Variants in AKT2 observed in about 807,000 individuals in gnomAD.
The protein encoded by AKT2 is RAC-beta serine/threonine-protein kinase.
In AKT2, 16 loss-of-function variants were observed where a neutral mutation model predicts 58.6. That is an observed-to-expected ratio of 0.27 (90% confidence interval 0.18 to 0.41). The LOEUF is 0.41. Ranked by LOEUF, AKT2 falls within the 10% of genes least tolerant of loss-of-function variation. The probability of loss-of-function intolerance (pLI) is 1.00; values close to 1 mark genes in which losing one functional copy is unlikely to be tolerated. For missense variants in AKT2, 438 were observed against 661.0 expected (o/e 0.66, Z 3.70); for synonymous variants, 253 against 254.0 (o/e 1.00, Z 0.04).
chr19:40,262,527 A>G (rs1976038819), intron 2 of AKT2, among the ~76,000 whole-genome samples: 1 of 152,224 alleles, frequency 6.6e-6, no homozygotes, highest in African/African-American at 2.4e-5. Flanking sequence ...GGACCAGCAC[A>G]TGGCATGAGT....
chr19:40,254,419 T>G (rs559711815), intron 4 of AKT2, among the ~76,000 whole-genome samples: 1 of 151,918 alleles, frequency 6.6e-6, no homozygotes, highest in Non-Finnish European at 1.5e-5. Flanking sequence ...TCCCAGCTAC[T>G]TGGGAGGCTG....
chr19:40,265,771 A>C (rs984669604), intron 1 of AKT2, among the ~76,000 whole-genome samples: 1 of 151,946 alleles, frequency 6.6e-6, no homozygotes, highest in Non-Finnish European at 1.5e-5. Flanking sequence ...CAGAGCCACC[A>C]GCATCTGCCT....
rs992368196 is a variant in AKT2, at chr19:40,237,876, G to C, written c.831+93C>G. 1.3e-6 allele frequency: 2 copies of C among 1,551,220 alleles called. No individual in the cohort carries two copies. Among genetic ancestry groups the C allele is most frequent in the Admixed American group, 3.5e-5 (2 of 57,666 alleles). ...CCTGGACCTTGGTGGGGAGCCTGGC[G>C]AATGAGGGCAGAAGCTCAGCCCAAC... On this transcript the variant is annotated intron_variant, in intron 9 of 13. Coordinates refer to ENST00000392038, the MANE Select transcript of AKT2 (RefSeq NM_001626.6). This position sits in a 1 kb window ranked among gnomAD's most constrained non-coding sequence, Gnocchi z 4.5.
rs1976253992 is a variant in AKT2, at chr19:40,265,150, C to T, written c.46+72G>A. The T allele has an allele frequency of 2.5e-6, 4 of 1,574,936 alleles. No individual in the cohort carries two copies. In the South Asian group the frequency reaches 4.6e-5, roughly 18 times the overall value. The stretch of plus-strand genomic sequence containing the variant: ...GGCTGGTAAGACCCTCCGCCTCTGC[C>T]TCTCAGGGCACAGCTTTCCAGGAGG... On this transcript the variant is annotated intron_variant, in intron 2 of 13. Transcript: ENST00000392038.
At chr19:40,279,702 G>T (rs545910550) in intron 1 of AKT2, 1 of 151,892 alleles carries the variant, frequency 6.6e-6, no homozygotes, top group South Asian at 2.1e-4. Context: ...AAGCCTTAGG[G>T]GTGAGCCCAT....
chr19:40,233,586 T>G lies in AKT2; in HGVS notation c.*286A>C. 2.8e-6 allele frequency: 2 copies of G among 703,642 alleles called. No individual in the cohort carries two copies. Among genetic ancestry groups the G allele is most frequent in the Non-Finnish European group, 5.3e-6 (2 of 377,518 alleles). 43.6% of individuals were successfully genotyped at this position (703,642 alleles called of 1,614,324 possible). The stretch of plus-strand genomic sequence containing the variant: ...GCCATGCTTCACCCCTCACTGGGGC[T>G]TGTGTGGATTAAAACCTGAATCTCC... On this transcript the variant is annotated 3_prime_UTR_variant, in exon 14 of 14. Coordinates refer to ENST00000392038, the MANE Select transcript of AKT2 (RefSeq NM_001626.6). This position sits in a 1 kb window ranked among gnomAD's most constrained non-coding sequence, Gnocchi z 4.3.
intron 2 of AKT2, among the ~76,000 whole-genome samples, chr19:40,264,406 G>A (rs548510821): frequency 3.9e-5 from 6 of 152,238 alleles, no homozygotes; most frequent in African/African-American, 1.4e-4. Flanking sequence ...AATGGATCAG[G>A]CCACGCATCG....
Position 40,235,855 on chromosome 19 carries a change from G to A in AKT2, c.1175+35C>T. The A allele has an allele frequency of 6.3e-7, 1 of 1,582,444 alleles. No individual in the cohort carries two copies. Among genetic ancestry groups the A allele is most frequent in the Non-Finnish European group, 8.6e-7 (1 of 1,167,046 alleles). ...GCCGCAGGGACAGTGGCAGCAGCTG[G>A]CGCTGGGCTGGGTGGGGCCGACGCC... On this transcript the variant is annotated intron_variant, in intron 11 of 13. Coordinates refer to ENST00000392038, the MANE Select transcript of AKT2 (RefSeq NM_001626.6). This position sits in a 1 kb window ranked among gnomAD's most constrained non-coding sequence, Gnocchi z 6.3.
chr19:40,249,429 C>T (rs1241189901), intron 4 of AKT2, among the ~76,000 whole-genome samples: 3 of 152,230 alleles, frequency 2.0e-5, no homozygotes. Context: ...CTGAGCCCCA[C>T]TGAGGGAGAG....
chr19:40,239,963 T>C (rs935791380), intron 7 of AKT2, 82 bp downstream of exon 7: 1 of 1,526,496 alleles, frequency 6.6e-7, no homozygotes. Context: ...GACTGTGCTT[T>C]GTACCAGAAG....
In AKT2 at chr19:40,233,722, G is replaced by C; in HGVS notation, c.*150C>G. ...CAGGGGCTGCAGGGGCCGCTGGGGT[G>C]CGTCTGGGAGGGGCCTGAAGAAGAA... On this transcript the variant is annotated 3_prime_UTR_variant, in exon 14 of 14. Transcript: ENST00000392038. This position sits in a 1 kb window ranked among gnomAD's most constrained non-coding sequence, Gnocchi z 4.3. 1 of 820,170 alleles carries C rather than the reference G, an allele frequency of 1.2e-6. No individual in the cohort carries two copies. The highest frequency in any genetic ancestry group is 1.4e-5 in the South Asian group (1 of 73,584). The allele number at this position is 820,170 out of a possible 1,614,324, so 50.8% of individuals were successfully genotyped here.
At chr19:40,266,983 G>C (rs999824548) in intron 1 of AKT2, among the ~76,000 whole-genome samples, 5 of 152,040 alleles carry the variant, frequency 3.3e-5, no homozygotes, top group African/African-American at 1.2e-4. Context: ...AAATATGTAT[G>C]TATTTCTGTA....
At chr19:40,274,729 AG>A in intron 1 of AKT2, 1 of 291,618 alleles carries the variant, frequency 3.4e-6, no homozygotes, top group Non-Finnish European at 6.9e-6. Flanking sequence ...GGGGAGGAGC[AG>A]GGCTGAGGCG....
intron 1 of AKT2, among the ~76,000 whole-genome samples, chr19:40,278,059 A>C (rs767118131): frequency 2.7e-4 from 41 of 152,172 alleles, no homozygotes; most frequent in Admixed American, 7.9e-4. Context: ...CCCACATCCC[A>C]AGCAGGCATG....
chr19:40,280,305 CCT>C (rs1249668808), intron 1 of AKT2, among the ~76,000 whole-genome samples: 1 of 152,186 alleles, frequency 6.6e-6, no homozygotes, highest in Non-Finnish European at 1.5e-5. Context: ...AGCCTCCCCT[CCT>C]CTTTCCCTAA....
chr19:40,233,458 C>A lies in AKT2; in HGVS notation c.*414G>T. The A allele has an allele frequency of 1.9e-6, 1 of 525,510 alleles. No individual in the cohort carries two copies. 32.6% of individuals were successfully genotyped at this position (525,510 alleles called of 1,614,324 possible). ...CCTGGAAGGCAGCACCACTGTCTGC[C>A]GGGTGTCGCGTCCCACCAGAAGGCA... On this transcript the variant is annotated 3_prime_UTR_variant, in exon 14 of 14. Transcript: ENST00000392038. This position sits in a 1 kb window ranked among gnomAD's most constrained non-coding sequence, Gnocchi z 4.3.
At chr19:40,269,518 A>C (rs1600095799) in intron 1 of AKT2, 1 of 152,212 alleles carries the variant, frequency 6.6e-6, no homozygotes, top group Admixed American at 6.5e-5. Flanking sequence ...GGAGGTGCAA[A>C]ATGGTTCAAC....
chr19:40,236,422 C>T (rs1331450267), intron 9 of AKT2, 37 bp from the exon 10 acceptor site: 1 of 1,613,584 alleles, frequency 6.2e-7, no homozygotes, highest in Non-Finnish European at 8.5e-7. Flanking sequence ...GTGCATGCTC[C>T]CAAGGCTTCC....
chr19:40,242,108 G>T lies in AKT2; in HGVS notation c.442-39C>A, dbSNP rs1974445325. The T allele has an allele frequency of 6.2e-7, 1 of 1,613,474 alleles. No homozygotes were observed. The highest frequency in any genetic ancestry group is 1.7e-5 in the Admixed American group (1 of 60,004). ...GGAGAGTGGGGGCAGTCAGCGCCTG[G>T]CTCATGGCCCGTGGGAGGAAATTTT... On this transcript the variant is annotated intron_variant, in intron 5 of 13. Coordinates refer to ENST00000392038, the MANE Select transcript of AKT2 (RefSeq NM_001626.6). This position sits in a 1 kb window ranked among gnomAD's most constrained non-coding sequence, Gnocchi z 4.3.
Sources: gnomAD v4.1 joint callset for allele counts (sites outside exome capture counted in the v4.1 genomes callset) on GRCh38, gnomAD v4.1.1 for gene constraint, Gnocchi (gnomAD v3.1) non-coding constraint, MANE v1.5 for transcripts, NCBI Gene and HGNC (gene_info 2026-07-23, HGNC 2026-07-21) for gene names.